KIF1A: variants seen among roughly 807,000 people sequenced by gnomAD.
KIF1A encodes the protein kinesin-like protein KIF1A.
Under a neutral mutation model 227.3 loss-of-function variants are expected in KIF1A, and 46 were observed. That is an observed-to-expected ratio of 0.20 (90% confidence interval 0.16 to 0.26). The LOEUF (loss-of-function observed/expected upper bound fraction) is 0.26. Ranked by LOEUF, KIF1A falls within the 10% of genes least tolerant of loss-of-function variation. The probability of loss-of-function intolerance (pLI) is 1.00; values close to 1 mark genes in which losing one functional copy is unlikely to be tolerated. For missense variants in KIF1A, 1,683 were observed against 2,485.9 expected, an observed-to-expected ratio of 0.68 and a Z score of 6.87; for synonymous variants, 1,022 against 1,012.8, an observed-to-expected ratio of 1.01 and a Z score of -0.17.
intron 10 of KIF1A, among the ~76,000 whole-genome samples, chr2:240,777,897 C>T (rs956189508): frequency 1.3e-5 from 2 of 152,236 alleles, no homozygotes; most frequent in African/African-American, 4.8e-5. Context: ...GTCCCTCGCA[C>T]TTTCCCTCCC....
intron 17 of KIF1A, among the ~76,000 whole-genome samples, chr2:240,767,952 C>A (rs1247314805): frequency 6.6e-6 from 1 of 152,194 alleles, no homozygotes; most frequent in Non-Finnish European, 1.5e-5. Context: ...GAGGTGGAGA[C>A]CTCGTCACTG....
chr2:240,735,336 C>G (rs1322817290), intron 38 of KIF1A, among the ~76,000 whole-genome samples: 1 of 152,126 alleles, frequency 6.6e-6, no homozygotes, highest in Admixed American at 6.5e-5. Flanking sequence ...AAAGCCCCTT[C>G]AGTGACAGGT....
chr2:240,763,546 T>C (rs2125907724), intron 20 of KIF1A, among the ~76,000 whole-genome samples, 200 bp from the exon 21 acceptor site: 1 of 152,298 alleles, frequency 6.6e-6, no homozygotes, highest in East Asian at 1.9e-4. Flanking sequence ...TTGGCCACTC[T>C]CCACTCAGCA....
At chr2:240,744,937 G>C (rs904425892) in intron 32 of KIF1A, among the ~76,000 whole-genome samples, 1 of 152,108 alleles carries the variant, frequency 6.6e-6, no homozygotes, top group Non-Finnish European at 1.5e-5. Context: ...CAGTTCTCCC[G>C]CCTGGAGAAG....
intron 1 of KIF1A, among the ~76,000 whole-genome samples, chr2:240,807,942 T>A (rs1188690371): frequency 6.6e-6 from 1 of 152,188 alleles, no homozygotes; most frequent in African/African-American, 2.4e-5. Context: ...ATTCCATAAT[T>A]TTCAAGACTC....
In KIF1A at chr2:240,722,513, C is replaced by T; in HGVS notation, c.4608G>A (p.Glu1536=). 1 of 1,548,242 alleles carries T rather than the reference C, an allele frequency of 6.5e-7. No individual in the cohort carries two copies. Among genetic ancestry groups the T allele is most frequent in the Non-Finnish European group, 8.7e-7 (1 of 1,146,774 alleles). The change falls in exon 43 of 49, where the codon GAG becomes GAA. Residue 1536 remains glutamate, a synonymous_variant. Coordinates refer to ENST00000498729, the MANE Select transcript of KIF1A (RefSeq NM_001244008.2). ...SSSASSPLSA[E]GRPSPLEAPN... ...GAGCCTCCAGGGGTGATGGGCGGCC[C>T]TCAGCCGAGAGCGGGGAGGAGGCGC...
At chr2:240,761,164 C>T (rs1306732081) in intron 24 of KIF1A, 65 bp downstream of exon 24, 2 of 1,533,434 alleles carry the variant, frequency 1.3e-6, no homozygotes, top group Non-Finnish European at 8.9e-7. Context: ...AAGTAGCTGT[C>T]CCCGTCATGA....
Position 240,745,902 on chromosome 2 carries a change from G to A in KIF1A, c.3210C>T (p.Pro1070=), listed in dbSNP as rs1027940908. The A allele has an allele frequency of 1.2e-6, 2 of 1,602,396 alleles. No homozygotes were observed. The highest frequency in any genetic ancestry group is 3.4e-5 in the Admixed American group (2 of 59,186). ...EVNNNTCSAV[P]PEGLLLDSSE... Reference sequence around the variant, plus strand: ...AGCTGTCTAGGAGGAGGCCTTCTGGGGGCACTGCTGCTGGGAGTCAAGGAG... The same window carrying A: ...AGCTGTCTAGGAGGAGGCCTTCTGGAGGCACTGCTGCTGGGAGTCAAGGAG... Residue 1070 remains proline, a synonymous_variant, in exon 31 of 49, where the codon CCC becomes CCT. Transcript: ENST00000498729.
At chr2:240,718,401 C>T (rs1219821038) in intron 47 of KIF1A, among the ~76,000 whole-genome samples, 2 of 152,224 alleles carry the variant, frequency 1.3e-5, no homozygotes, top group Non-Finnish European at 2.9e-5. Context: ...TGCCTCCCCA[C>T]GGGACGTGAC....
chr2:240,748,721 G>A, intron 28 of KIF1A: 2 of 283,534 alleles, frequency 7.1e-6, no homozygotes, highest in Non-Finnish European at 1.5e-5. Flanking sequence ...CCCCAGCTGG[G>A]CCCCCTGATT....
At chr2:240,768,690 C>T (rs1020102168) in intron 17 of KIF1A, among the ~76,000 whole-genome samples, 3 of 152,210 alleles carry the variant, frequency 2.0e-5, no homozygotes, top group African/African-American at 7.2e-5. Flanking sequence ...CCCCTTAGGC[C>T]TGGCCTGGTG....
Position 240,714,868 on chromosome 2 carries a change from C to A in KIF1A, c.*2496G>T. ...TGGGTCCTAGCCAAGGCCAACACGG[C>A]ACCTGGCTGAGAGGACACAGCCAGG... On this transcript the variant is annotated 3_prime_UTR_variant, in exon 49 of 49. Coordinates refer to ENST00000498729, the MANE Select transcript of KIF1A (RefSeq NM_001244008.2). The A allele has an allele frequency of 6.6e-6, 1 of 152,394 alleles. No individual in the cohort carries two copies. The highest frequency in any genetic ancestry group is 1.5e-5 in the Non-Finnish European group (1 of 68,082). The allele number at this position is 152,394 out of a possible 1,614,324, so 9.4% of individuals were successfully genotyped here.
chr2:240,814,211 A>G (rs1255523696), intron 1 of KIF1A, among the ~76,000 whole-genome samples: 2 of 152,152 alleles, frequency 1.3e-5, no homozygotes. Flanking sequence ...CCGAGTGCCA[A>G]TAAATGCGAA....
At chr2:240,777,334 G>T (rs574766184) in intron 10 of KIF1A, among the ~76,000 whole-genome samples, 2 of 152,174 alleles carry the variant, frequency 1.3e-5, no homozygotes, top group Non-Finnish European at 2.9e-5. Context: ...GTGAGCCACC[G>T]CGCCCGGCCT....
chr2:240,774,390 T>TCC (rs1559516713), intron 11 of KIF1A, 129 bp from the exon 12 acceptor site: 23 of 374,262 alleles, frequency 6.1e-5, no homozygotes, highest in Non-Finnish European at 9.0e-5. Flanking sequence ...GTCACAGGCT[T>TCC]ACCCCCCCCC....
At chr2:240,769,290 G>T in intron 16 of KIF1A, 82 bp from the exon 17 acceptor site, 1 of 1,285,256 alleles carries the variant, frequency 7.8e-7, no homozygotes, top group Non-Finnish European at 1.1e-6. Context: ...AATGGGGGCA[G>T]CGGGCCTGTG....
At chr2:240,747,199 C>T (rs756588002) in intron 29 of KIF1A, 37 bp downstream of exon 29, 128 of 1,515,848 alleles carry the variant, frequency 8.4e-5, no homozygotes, top group Non-Finnish European at 1.0e-4. Flanking sequence ...GAGCGCCAGG[C>T]ACCTCCAGGT....
rs2045265712 is a variant in KIF1A, at chr2:240,720,818, GC to G, written c.4868+95del. The G allele has an allele frequency of 1.8e-5, 25 of 1,405,560 alleles. 1 individual carries two copies. In the South Asian group the frequency reaches 3.8e-4, roughly 21 times the overall value. The allele number at this position is 1,405,560 out of a possible 1,614,324, so 87.1% of individuals were successfully genotyped here. ...CACCCCAAGGCACTCGGCCATTGGG[GC>G]CCCCTGTTCTGTGCTCTCTGTGCCC... On this transcript the variant is annotated intron_variant, in intron 45 of 48. Transcript: ENST00000498729.
Position 240,737,065 on chromosome 2 carries a change from G to A in KIF1A, c.4005C>T (p.Asp1335=), listed in dbSNP as rs2047413001. 1 of 1,610,802 alleles carries A rather than the reference G, an allele frequency of 6.2e-7. No individual in the cohort carries two copies. Among genetic ancestry groups the A allele is most frequent in the African/African-American group, 1.3e-5 (1 of 74,886 alleles). The change falls in exon 38 of 49, where the codon GAC becomes GAT. Residue 1335 remains aspartate (D), a splice_region_variant and synonymous_variant. Transcript: ENST00000498729. ...SSGYIHPAQD[D]RTFYQFEAAW... is the part of the protein sequence containing the mutation. ...TCTCCAGGGAGTCTCCGACTCACCG[G>A]TCATCTTGGGCTGGGTGGATGTATC...
Sources: gnomAD v4.1 joint callset for allele counts (sites outside exome capture counted in the v4.1 genomes callset) on GRCh38, gnomAD v4.1.1 for gene constraint, MANE v1.5 for transcripts, NCBI Gene and HGNC (gene_info 2026-07-23, HGNC 2026-07-21) for gene names.